MAD1L1: variants seen among roughly 807,000 people sequenced by gnomAD.
The protein encoded by MAD1L1 is mitotic arrest deficient 1 like 1.
Under a neutral mutation model 96.9 loss-of-function variants are expected in MAD1L1, and 95 were observed. The ratio of observed to expected loss-of-function variants is 0.98; its 90% CI spans 0.83 to 1.16. The LOEUF (loss-of-function observed/expected upper bound fraction) is 1.16. Ranked by LOEUF, MAD1L1 falls within the 50% of genes most tolerant of loss-of-function variation. The probability of loss-of-function intolerance (pLI) is 0.00; values close to 1 mark genes in which losing one functional copy is unlikely to be tolerated. For synonymous variants in MAD1L1, 473 were observed against 396.6 expected, an observed-to-expected ratio of 1.19 and a Z score of -2.29; for missense variants, 1,007 against 954.4, an observed-to-expected ratio of 1.06 and a Z score of -0.73.
intron 10 of MAD1L1, among the ~76,000 whole-genome samples, chr7:2,159,283 A>G (rs1789986207): frequency 6.6e-6 from 1 of 152,140 alleles, no homozygotes; most frequent in African/African-American, 2.4e-5. Context: ...CTGCTTCTCC[A>G]CGTCACTGCC....
intron 10 of MAD1L1, among the ~76,000 whole-genome samples, chr7:2,165,073 T>C (rs1790358868): frequency 6.6e-6 from 1 of 151,976 alleles, no homozygotes. Flanking sequence ...GCGCAGTGGC[T>C]CACGCCTGTC....
chr7:1,901,564 C>A (rs1382414005), intron 17 of MAD1L1, among the ~76,000 whole-genome samples: 1 of 152,246 alleles, frequency 6.6e-6, no homozygotes, highest in Non-Finnish European at 1.5e-5. Flanking sequence ...AGTGGTGCAG[C>A]CTTCAGCGCT....
chr7:1,915,503 C>A (rs990833478), intron 17 of MAD1L1, among the ~76,000 whole-genome samples: 7 of 152,186 alleles, frequency 4.6e-5, no homozygotes, highest in Non-Finnish European at 2.9e-5. Context: ...AGGAGGCCGA[C>A]GCGGGACGTA....
chr7:2,165,411 T>C (rs1790376940), intron 10 of MAD1L1, among the ~76,000 whole-genome samples: 1 of 152,046 alleles, frequency 6.6e-6, no homozygotes, highest in Non-Finnish European at 1.5e-5. Flanking sequence ...ATCTGTACAC[T>C]TCAGTGTCCA....
chr7:2,216,342 G>T, intron 7 of MAD1L1, 55 bp from the exon 8 acceptor site: 1 of 1,575,092 alleles, frequency 6.3e-7, no homozygotes. Flanking sequence ...AAGAGACCTG[G>T]AGAAAATCAC....
chr7:1,924,125 G>C (rs1788957659), intron 17 of MAD1L1, among the ~76,000 whole-genome samples: 1 of 152,240 alleles, frequency 6.6e-6, no homozygotes, highest in Admixed American at 6.5e-5. Context: ...CGGAGATGCT[G>C]GAATTATCGA....
intron 12 of MAD1L1, among the ~76,000 whole-genome samples, chr7:2,050,331 C>G (rs749765842): frequency 1.3e-5 from 2 of 152,246 alleles, no homozygotes; most frequent in Admixed American, 6.5e-5. Flanking sequence ...GAACCTCACG[C>G]GCCTGCTGGA....
In MAD1L1 at chr7:2,018,591, GGCA is replaced by G. The variant is rs1311142229; in HGVS notation, c.1219-3952_1219-3950del. 3.9e-5 allele frequency among the ~76,000 whole-genome samples: 6 copies of G among 152,212 alleles called. No homozygotes were observed. The South Asian group carries it at 1.0e-3, about 26-fold the overall frequency. On this transcript the variant is annotated intron_variant, in intron 12 of 18. Transcript: ENST00000265854. Reference sequence around the variant, plus strand: ...GAGGGCTTCCCTCCTGGGAGTCAGTGGCAGCCTGAAGGGGCTGTGTGAGGCAGG... The same window carrying G: ...GAGGGCTTCCCTCCTGGGAGTCAGTGGCCTGAAGGGGCTGTGTGAGGCAGG...
intron 10 of MAD1L1, among the ~76,000 whole-genome samples, chr7:2,150,459 C>T (rs1789518201): frequency 6.6e-6 from 1 of 152,172 alleles, no homozygotes; most frequent in Non-Finnish European, 1.5e-5. Context: ...CCCCGAAACC[C>T]TCATCAGCTC....
chr7:1,965,184 TACGTAGGACCC>T (rs1257854769), intron 15 of MAD1L1, among the ~76,000 whole-genome samples: 1 of 151,788 alleles, frequency 6.6e-6, no homozygotes, highest in Non-Finnish European at 1.5e-5. Context: ...GCGAGTGGGG[TACGTAGGACCC>T]CCAGCCCTGG....
chr7:1,904,541 T>C, intron 17 of MAD1L1, among the ~76,000 whole-genome samples: 1 of 127,164 alleles, frequency 7.9e-6, no homozygotes, highest in Non-Finnish European at 1.6e-5. Context: ...TCAAGCACTG[T>C]TCCAGGCAGC....
chr7:2,171,935 T>C (rs1790727256), intron 10 of MAD1L1, among the ~76,000 whole-genome samples: 1 of 152,094 alleles, frequency 6.6e-6, no homozygotes, highest in African/African-American at 2.4e-5. Context: ...GTCCCTGGGA[T>C]AGACACACAA....
rs369332624 is a variant in MAD1L1, at chr7:2,149,214, G to T, written c.1011C>A (p.Phe337Leu). Residue 337 changes from phenylalanine to leucine, a missense_variant, in exon 11 of 19, where the codon TTC becomes TTA. By Grantham distance (22) the Phe-to-Leu change is conservative. Transcript: ENST00000265854. ...GCTCCCTCTGCTGCAGCTCAACCACGAATCTGGAAAGGTCTTCTGGAGTCC... is the reference window on the plus strand; with the variant it reads ...GCTCCCTCTGCTGCAGCTCAACCACTAATCTGGAAAGGTCTTCTGGAGTCC... ...SIRTPEDLSRFVVELQQRELA... is the reference protein window; with the variant it reads ...SIRTPEDLSRLVVELQQRELA... The T allele has an allele frequency of 4.3e-6, 7 of 1,614,002 alleles. No individual in the cohort carries two copies. Among genetic ancestry groups the T allele is most frequent in the Middle Eastern group, 1.6e-4 (1 of 6,062 alleles).
intron 12 of MAD1L1, among the ~76,000 whole-genome samples, chr7:2,056,752 G>C (rs1023938109): frequency 2.0e-5 from 3 of 152,132 alleles, no homozygotes; most frequent in Non-Finnish European, 4.4e-5. Flanking sequence ...GGCAGCCCAG[G>C]GGGACTGTTG....
chr7:2,091,420 A>G (rs1474143311), intron 11 of MAD1L1, among the ~76,000 whole-genome samples: 2 of 152,234 alleles, frequency 1.3e-5, no homozygotes, highest in Admixed American at 1.3e-4. Context: ...GTGTTGAGCC[A>G]GTCAGGAGTT....
At chr7:1,922,393 T>C (rs1788849703) in intron 17 of MAD1L1, among the ~76,000 whole-genome samples, 1 of 152,248 alleles carries the variant, frequency 6.6e-6, no homozygotes, top group African/African-American at 2.4e-5. Flanking sequence ...AGAAACGGCA[T>C]GTTTTTAATT....
intron 10 of MAD1L1, among the ~76,000 whole-genome samples, chr7:2,167,330 G>A (rs1260625608): frequency 1.3e-5 from 2 of 151,868 alleles, no homozygotes; most frequent in African/African-American, 4.8e-5. Flanking sequence ...GGCGGATCAC[G>A]AGCTCAGGAG....
At chr7:2,064,002 C>A (rs73048919) in intron 12 of MAD1L1, among the ~76,000 whole-genome samples, 44,470 of 152,102 alleles carry the variant, frequency 0.29, 8,003 homozygotes, top group East Asian at 0.48. Flanking sequence ...CAGAAGGGGG[C>A]CTGGAGCCTC....
intron 11 of MAD1L1, among the ~76,000 whole-genome samples, chr7:2,113,967 C>T (rs772204640): frequency 3.9e-5 from 6 of 152,178 alleles, no homozygotes; most frequent in Non-Finnish European, 8.8e-5. Flanking sequence ...CCACCAAACG[C>T]CATGGGGATC....
Sources: gnomAD v4.1 joint callset for allele counts (sites outside exome capture counted in the v4.1 genomes callset) on GRCh38, gnomAD v4.1.1 for gene constraint, MANE v1.5 for transcripts, NCBI Gene and HGNC (gene_info 2026-07-23, HGNC 2026-07-21) for gene names.